The following ENOX2 variants were observed in gnomAD, a reference collection of about 807,000 sequenced individuals.
ENOX2 encodes ecto-NOX disulfide-thiol exchanger 2.
Under a neutral mutation model 45.0 loss-of-function variants are expected in ENOX2, and 36 were observed. The observed-to-expected ratio is 0.80, with a 90% CI of 0.61 to 1.06. The LOEUF is 1.06. ENOX2 is among the 50% of genes least tolerant of loss of function. The pLI is 0.00. For synonymous variants in ENOX2, 174 were observed against 152.3 expected, an observed-to-expected ratio of 1.14 and a Z score of -1.05; for missense variants, 423 against 462.5, an observed-to-expected ratio of 0.91 and a Z score of 0.78.
At chrX:130,782,457 T>C (rs1178859095) in intron 3 of ENOX2, among the ~76,000 whole-genome samples, 1 of 111,735 alleles carries the variant, frequency 8.9e-6, no homozygotes, top group African/African-American at 3.2e-5. Flanking sequence ...TGCCTTTCCA[T>C]GCTCCAGAAA....
intron 10 of ENOX2, among the ~76,000 whole-genome samples, chrX:130,649,043 CAAAAAAAAAAAAAAAAAAAAAAAAA>C (rs35154919): frequency 1.5e-4 from 1 of 6,794 alleles, no homozygotes; most frequent in African/African-American, 3.1e-4. Flanking sequence ...GACTCCATAT[CAAAAAAAAAAAAAAAAAAAAAAAAA>C]AAAAAAAAAG....
At chrX:130,775,119 T>C (rs1243295790) in intron 3 of ENOX2, among the ~76,000 whole-genome samples, 1 of 112,170 alleles carries the variant, frequency 8.9e-6, no homozygotes, top group East Asian at 2.8e-4. Flanking sequence ...CTGATTATCA[T>C]GCCTGTAATC....
intron 2 of ENOX2, among the ~76,000 whole-genome samples, chrX:130,808,347 T>C (rs149861522): frequency 8.9e-6 from 1 of 112,434 alleles, no homozygotes; most frequent in African/African-American, 3.2e-5. Flanking sequence ...TGGTGTCTCT[T>C]ACCTTCCTCA....
intron 2 of ENOX2, among the ~76,000 whole-genome samples, chrX:130,867,663 C>T (rs1038741410): frequency 1.8e-5 from 2 of 111,846 alleles, no homozygotes; most frequent in Non-Finnish European, 3.8e-5. Flanking sequence ...GTGGCAGATA[C>T]GTGTTCCAAA....
intron 4 of ENOX2, among the ~76,000 whole-genome samples, chrX:130,691,016 T>TACACAC (rs757871411): frequency 9.3e-6 from 1 of 107,998 alleles, no homozygotes; most frequent in African/African-American, 3.3e-5. Context: ...AACTTGCATG[T>TACACAC]ACACACACAC....
At chrX:130,778,973 G>A (rs1323936752) in intron 3 of ENOX2, among the ~76,000 whole-genome samples, 1 of 112,465 alleles carries the variant, frequency 8.9e-6, no homozygotes, top group African/African-American at 3.2e-5. Flanking sequence ...TTAAAACAAT[G>A]CATTCGATTT....
At chrX:130,808,206 G>A (rs776325265) in intron 2 of ENOX2, among the ~76,000 whole-genome samples, 1 of 112,353 alleles carries the variant, frequency 8.9e-6, no homozygotes, top group Non-Finnish European at 1.9e-5. Context: ...CATTCTAGTA[G>A]CAGACACAGA....
At chrX:130,805,345 C>T (rs1384855268) in intron 2 of ENOX2, among the ~76,000 whole-genome samples, 1 of 111,605 alleles carries the variant, frequency 9.0e-6, no homozygotes, top group Non-Finnish European at 1.9e-5. Context: ...AGCTGAATGT[C>T]GTGGAACGGC....
At chrX:130,656,233 T>C (rs1377790434) in intron 10 of ENOX2, among the ~76,000 whole-genome samples, 1 of 112,693 alleles carries the variant, frequency 8.9e-6, no homozygotes, top group Non-Finnish European at 1.9e-5. Flanking sequence ...GTTCAAAAAG[T>C]TTGCCCTATG....
intron 10 of ENOX2, among the ~76,000 whole-genome samples, chrX:130,639,612 G>A (rs1357505126): frequency 1.8e-5 from 2 of 111,593 alleles, no homozygotes; most frequent in African/African-American, 6.5e-5. Context: ...ACTCAGATAT[G>A]GAAGAGATGT....
At chrX:130,824,455 T>C (rs2077678276) in intron 2 of ENOX2, among the ~76,000 whole-genome samples, 1 of 112,046 alleles carries the variant, frequency 8.9e-6, no homozygotes, top group African/African-American at 3.2e-5. Context: ...GGTGTCTTAC[T>C]TCAAGTTGCT....
chrX:130,774,240 T>C (rs1214310923), intron 3 of ENOX2, among the ~76,000 whole-genome samples: 1 of 112,096 alleles, frequency 8.9e-6, no homozygotes, highest in African/African-American at 3.2e-5. Context: ...TACAGTATAA[T>C]TAGCTGCACT....
chrX:130,861,220 A>G (rs1171392456), intron 2 of ENOX2, among the ~76,000 whole-genome samples: 4 of 112,409 alleles, frequency 3.6e-5, no homozygotes, highest in Admixed American at 2.8e-4. Flanking sequence ...AATTAAAAAT[A>G]TAACTACCAT....
rs146715433 is a variant in ENOX2, at chrX:130,719,012, C to T, written c.-38-15758G>A. ...ATGTGCTCATCACCTGATCAGTTTG[C>T]GCCTGAGGAACCTTCTGAAGGTCCT... On this transcript the variant is annotated intron_variant, in intron 3 of 14. Coordinates refer to ENST00000394363, the MANE Select transcript of ENOX2 (RefSeq NM_006375.4). 3.0e-3 allele frequency among the ~76,000 whole-genome samples: 335 copies of T among 112,098 alleles called. 1 individual carries two copies. Among genetic ancestry groups the T allele is most frequent in the Non-Finnish European group, 4.3e-3 (229 of 53,253 alleles).
chrX:130,891,429 G>T (rs1379685739), intron 2 of ENOX2, among the ~76,000 whole-genome samples: 1 of 98,933 alleles, frequency 1.0e-5, no homozygotes, highest in Non-Finnish European at 2.0e-5. Context: ...CCTATTACAT[G>T]TCAGACATGG....
intron 3 of ENOX2, among the ~76,000 whole-genome samples, chrX:130,783,193 T>A (rs2076920697): frequency 8.9e-6 from 1 of 112,191 alleles, no homozygotes; most frequent in Non-Finnish European, 1.9e-5. Flanking sequence ...ACTCATCTCT[T>A]GTCTCAAGCC....
At chrX:130,732,973 A>G (rs190290886) in intron 3 of ENOX2, among the ~76,000 whole-genome samples, 1 of 112,336 alleles carries the variant, frequency 8.9e-6, no homozygotes. Context: ...CAATGATTTC[A>G]TGTATATGAC....
At chrX:130,873,120 T>C (rs1411540499) in intron 2 of ENOX2, among the ~76,000 whole-genome samples, 1 of 111,181 alleles carries the variant, frequency 9.0e-6, no homozygotes, top group Non-Finnish European at 1.9e-5. Flanking sequence ...ACCTACAGAA[T>C]GGGAGAAAAT....
chrX:130,734,588 C>T (rs958978719), intron 3 of ENOX2, among the ~76,000 whole-genome samples: 17 of 111,648 alleles, frequency 1.5e-4, no homozygotes, highest in African/African-American at 4.9e-4. Flanking sequence ...TTACCTATCA[C>T]GATGCCATGC....
Sources: allele counts gnomAD v4.1 joint callset (sites outside exome capture counted in the v4.1 genomes callset), GRCh38; gene constraint gnomAD v4.1.1; transcripts MANE v1.5; gene names NCBI Gene and HGNC (gene_info 2026-07-23, HGNC 2026-07-21).